Variants in CNTN5 observed in about 807,000 individuals in gnomAD.
The protein encoded by CNTN5 is contactin 5.
CNTN5 carries 77 observed loss-of-function variants against 129.1 expected under a neutral mutation model. The ratio of observed to expected loss-of-function variants is 0.60; its 90% CI spans 0.50 to 0.72. The LOEUF (loss-of-function observed/expected upper bound fraction) is 0.72. Ranked by LOEUF, CNTN5 falls within the 30% of genes least tolerant of loss-of-function variation. The probability of loss-of-function intolerance (pLI) is 0.00; values close to 1 mark genes in which losing one functional copy is unlikely to be tolerated. For synonymous variants in CNTN5, 509 were observed against 465.6 expected, an observed-to-expected ratio of 1.09 and a Z score of -1.20; for missense variants, 1,478 against 1,328.8, an observed-to-expected ratio of 1.11 and a Z score of -1.75.
intron 7 of CNTN5, among the ~76,000 whole-genome samples, chr11:99,924,335 A>G (rs2136047527): frequency 1.3e-5 from 2 of 151,800 alleles, no homozygotes; most frequent in East Asian, 1.9e-4. Flanking sequence ...ATGTCTAGAG[A>G]GTGTTTCTTA....
chr11:99,029,920 G>A (rs1400664591), intron 1 of CNTN5, among the ~76,000 whole-genome samples: 2 of 152,104 alleles, frequency 1.3e-5, no homozygotes, highest in African/African-American at 4.8e-5. Flanking sequence ...TTGATCCACT[G>A]TTACTCTATG....
At chr11:99,107,977 A>G (rs1440211546) in intron 1 of CNTN5, among the ~76,000 whole-genome samples, 1 of 147,430 alleles carries the variant, frequency 6.8e-6, no homozygotes, top group South Asian at 2.2e-4. Flanking sequence ...TAGTGTCATG[A>G]TTTTTATTTG....
intron 2 of CNTN5, among the ~76,000 whole-genome samples, chr11:99,404,324 A>C (rs1941973734): frequency 6.6e-6 from 1 of 151,520 alleles, no homozygotes; most frequent in Non-Finnish European, 1.5e-5. Context: ...TGATAGAAAA[A>C]TTTAGTCCAT....
At chr11:99,839,064 A>G (rs1179465224) in intron 4 of CNTN5, among the ~76,000 whole-genome samples, 1 of 152,158 alleles carries the variant, frequency 6.6e-6, no homozygotes. Flanking sequence ...TGGTCTAAAG[A>G]TGATATAAAA....
At chr11:100,353,822 ATG>A (rs1591537919) in intron 24 of CNTN5, among the ~76,000 whole-genome samples, 1 of 151,398 alleles carries the variant, frequency 6.6e-6, no homozygotes, top group African/African-American at 2.4e-5. Flanking sequence ...GTGCACGCCC[ATG>A]TGTGTGTTTA....
intron 13 of CNTN5, among the ~76,000 whole-genome samples, chr11:100,158,704 A>T (rs1947338826): frequency 6.6e-6 from 1 of 151,912 alleles, no homozygotes; most frequent in Admixed American, 6.6e-5. Context: ...ATACCAAGTT[A>T]TAATGGAACA....
intron 3 of CNTN5, among the ~76,000 whole-genome samples, chr11:99,699,338 A>T (rs1414016008): frequency 1.3e-5 from 2 of 151,496 alleles, no homozygotes; most frequent in African/African-American, 2.4e-5. Context: ...AAAACTTTTT[A>T]AAAAATCTAA....
At chr11:100,285,974 C>G (rs535967987) in intron 18 of CNTN5, among the ~76,000 whole-genome samples, 3 of 152,194 alleles carry the variant, frequency 2.0e-5, no homozygotes, top group East Asian at 1.9e-4. Context: ...GCTCCCTTTC[C>G]GAGTCAAAGA....
chr11:99,837,523 CTT>C (rs978135955), intron 4 of CNTN5, among the ~76,000 whole-genome samples: 1 of 151,522 alleles, frequency 6.6e-6, no homozygotes, highest in Non-Finnish European at 1.5e-5. Context: ...TTGTGCATGA[CTT>C]TTTTTTGTAT....
intron 3 of CNTN5, among the ~76,000 whole-genome samples, chr11:99,690,323 T>C (rs1273434075): frequency 6.6e-6 from 1 of 152,180 alleles, no homozygotes; most frequent in African/African-American, 2.4e-5. Flanking sequence ...GCTATTTTGG[T>C]TACTGTAGTC....
At chr11:99,916,290 T>C (rs1036690211) in intron 7 of CNTN5, 141 bp downstream of exon 7, 1 of 604,056 alleles carries the variant, frequency 1.7e-6, no homozygotes, top group African/African-American at 1.8e-5. Context: ...GCCAGATGAG[T>C]AATTCAAGAT....
At chr11:100,187,091 T>C (rs1948320790) in intron 13 of CNTN5, among the ~76,000 whole-genome samples, 1 of 152,204 alleles carries the variant, frequency 6.6e-6, no homozygotes, top group African/African-American at 2.4e-5. Context: ...TTTATAGTTC[T>C]CCTTATAGAG....
chr11:100,049,858 A>G (rs982681729), intron 9 of CNTN5, among the ~76,000 whole-genome samples: 6 of 152,230 alleles, frequency 3.9e-5, no homozygotes, highest in African/African-American at 1.4e-4. Flanking sequence ...TATGCAGCCA[A>G]AAAACACATG....
intron 2 of CNTN5, among the ~76,000 whole-genome samples, chr11:99,366,387 A>C (rs1939447411): frequency 1.3e-5 from 2 of 152,166 alleles, no homozygotes; most frequent in African/African-American, 4.8e-5. Flanking sequence ...ATGTTTAATA[A>C]GTTTACAACT....
rs115262131 is a variant in CNTN5, at chr11:99,612,721, T to C, written c.55+56452T>C. Reference sequence around the variant, plus strand: ...TTTTAACTTCACTTTATGCATTCAATGACTCATTCCCTTTTTCATATAACA... The same window carrying C: ...TTTTAACTTCACTTTATGCATTCAACGACTCATTCCCTTTTTCATATAACA... On this transcript the variant is annotated intron_variant, in intron 3 of 24. Coordinates refer to ENST00000524871, the MANE Select transcript of CNTN5 (RefSeq NM_014361.4). Among the ~76,000 whole-genome samples the C allele has an allele frequency of 5.9e-3, 895 of 152,340 alleles. 8 individuals are homozygous for C. The highest frequency in any genetic ancestry group is 0.02 in the African/African-American group (821 of 41,584).
Position 100,350,832 on chromosome 11 carries a change from G to C in CNTN5, c.3161G>C (p.Gly1054Ala). The C allele has an allele frequency of 1.9e-6, 3 of 1,596,256 alleles. No individual in the cohort carries two copies. The highest frequency in any genetic ancestry group is 2.6e-6 in the Non-Finnish European group (3 of 1,169,480). The change falls in exon 24 of 25, where the codon GGA becomes GCA. Residue 1054 changes from glycine to alanine, a missense_variant. Transcript: ENST00000524871. ...CGAGCATATAGTGAAGGAGGAGATG[G>C]AACAGCTAGTTCTCAAATTAGGGTA... Reference protein sequence around the residue: ...EVRAYSEGGDGTASSQIRVPS... With the variant: ...EVRAYSEGGDATASSQIRVPS...
chr11:99,091,126 GATGTGCC>G (rs1236728901), intron 1 of CNTN5, among the ~76,000 whole-genome samples: 2 of 149,386 alleles, frequency 1.3e-5, no homozygotes, highest in Non-Finnish European at 1.5e-5. Flanking sequence ...CAGTGATAAA[GATGTGCC>G]ATTTGTGTAT....
intron 8 of CNTN5, among the ~76,000 whole-genome samples, chr11:99,957,961 ATG>A (rs1950846139): frequency 6.6e-6 from 1 of 151,840 alleles, no homozygotes; most frequent in African/African-American, 2.4e-5. Flanking sequence ...ACTGTGAAGT[ATG>A]TATTATATAT....
At position 100,255,842 on chromosome 11, in the gene CNTN5, C is replaced by T. The variant is rs768773231; in HGVS notation, c.2088C>T (p.Asp696=). The T allele has an allele frequency of 5.6e-6, 9 of 1,613,762 alleles. No individual in the cohort carries two copies. The South Asian group carries it at 8.8e-5, about 16-fold the overall frequency. ...CACTGTCCTGGAGCCCAGCAGCTGACAACCACAGCCCAATCTCCTCCTACA... is the reference window on the plus strand; with the variant it reads ...CACTGTCCTGGAGCCCAGCAGCTGATAACCACAGCCCAATCTCCTCCTACA... ...TATLSWSPAA[D]NHSPISSYNL... is the part of the protein sequence containing the mutation. Residue 696 remains aspartate (D), a synonymous_variant, in exon 17 of 25, where the codon GAC becomes GAT. Transcript: ENST00000524871.
Sources: gnomAD v4.1 joint callset for allele counts (sites outside exome capture counted in the v4.1 genomes callset) on GRCh38, gnomAD v4.1.1 for gene constraint, MANE v1.5 for transcripts, NCBI Gene and HGNC (gene_info 2026-07-23, HGNC 2026-07-21) for gene names.